Variants in HDHD2 observed in about 807,000 individuals in gnomAD.
The protein encoded by HDHD2 is haloacid dehalogenase like hydrolase domain containing 2, also known as haloacid dehalogenase-like hydrolase domain-containing protein 2.
A neutral mutation model predicts 24.8 loss-of-function variants in HDHD2; 26 were observed. The observed-to-expected ratio is 1.05, with a 90% CI of 0.77 to 1.45. HDHD2 has a LOEUF of 1.45. Ranked by LOEUF, HDHD2 falls within the 40% of genes most tolerant of loss-of-function variation. The probability of loss-of-function intolerance (pLI) is 0.00; values close to 1 mark genes in which losing one functional copy is unlikely to be tolerated. For missense variants in HDHD2, 299 were observed against 313.4 expected (o/e 0.95, Z 0.35); for synonymous variants, 128 against 114.9 (o/e 1.11, Z -0.73).
At chr18:47,119,566 T>G in intron 4 of HDHD2, among the ~76,000 whole-genome samples, 1 of 152,226 alleles carries the variant, frequency 6.6e-6, no homozygotes, top group South Asian at 2.1e-4. Context: ...GTTTTGCTAT[T>G]TCCACCACAT....
chr18:47,139,215 T>C (rs1328848943), intron 1 of HDHD2, among the ~76,000 whole-genome samples: 6 of 151,888 alleles, frequency 4.0e-5, no homozygotes, highest in African/African-American at 1.5e-4. Context: ...TCCCAGCACT[T>C]TGGGAGGCTG....
intron 3 of HDHD2, among the ~76,000 whole-genome samples, chr18:47,133,726 G>A (rs2063736062): frequency 6.6e-6 from 1 of 151,960 alleles, no homozygotes; most frequent in African/African-American, 2.4e-5. Flanking sequence ...TTCTCTGATG[G>A]CCAGTGATGA....
At chr18:47,136,264 A>G (rs1243691756) in intron 2 of HDHD2, 75 bp downstream of exon 2, 1 of 1,581,720 alleles carries the variant, frequency 6.3e-7, no homozygotes, top group East Asian at 2.3e-5. Flanking sequence ...AAGGCCATCC[A>G]TTTAGCTAAT....
intron 4 of HDHD2, among the ~76,000 whole-genome samples, chr18:47,129,130 T>C (rs2063688126): frequency 6.6e-6 from 1 of 152,168 alleles, no homozygotes; most frequent in South Asian, 2.1e-4. Context: ...AGGTAAATTA[T>C]ACTGTTTAAT....
intron 6 of HDHD2, 149 bp downstream of exon 6, chr18:47,112,828 C>G (rs2063526121): frequency 1.5e-6 from 1 of 651,590 alleles, no homozygotes; most frequent in South Asian, 1.9e-5. Flanking sequence ...CAATTGTTTC[C>G]TATAATCCTA....
intron 2 of HDHD2, among the ~76,000 whole-genome samples, chr18:47,135,929 T>C (rs1280200733): frequency 6.6e-6 from 1 of 152,234 alleles, no homozygotes; most frequent in African/African-American, 2.4e-5. Context: ...ATTTGAGCAG[T>C]TGCACAATCG....
intron 1 of HDHD2, among the ~76,000 whole-genome samples, chr18:47,149,597 T>A (rs1032140131): frequency 6.6e-6 from 1 of 152,142 alleles, no homozygotes; most frequent in Non-Finnish European, 1.5e-5. Flanking sequence ...CTCTACACTT[T>A]GCCTCCCTCG....
At chr18:47,141,880 G>A (rs115595934) in intron 1 of HDHD2, among the ~76,000 whole-genome samples, 322 of 152,308 alleles carry the variant, frequency 2.1e-3, no homozygotes, top group African/African-American at 5.7e-3. Context: ...CCCACGTGTC[G>A]TGGGAGGGAC....
In HDHD2 at chr18:47,140,303, T is replaced by C. The variant is rs544675525; in HGVS notation, c.-10-3854A>G. Reference sequence around the variant, plus strand: ...CAGGACAACTAAGATCATTATTATATTGCCATCCTATCCATCAACATACTG... The same window carrying C: ...CAGGACAACTAAGATCATTATTATACTGCCATCCTATCCATCAACATACTG... On this transcript the variant is annotated intron_variant, in intron 1 of 6. Transcript: ENST00000300605. 3.3e-5 allele frequency among the ~76,000 whole-genome samples: 5 copies of C among 152,332 alleles called. No individual in the cohort carries two copies. In the South Asian group the frequency reaches 1.0e-3, roughly 32 times the overall value.
At position 47,117,583 on chromosome 18, in the gene HDHD2, A is replaced by T. The variant is rs113457723; in HGVS notation, c.396-2235T>A. ...TAACTCTGTTCTTTATAAATTACCT[A>T]GTCTCAGGTATTGTTATAGCAGCAC... On this transcript the variant is annotated intron_variant, in intron 4 of 6. Coordinates refer to ENST00000300605, the MANE Select transcript of HDHD2 (RefSeq NM_032124.5). Among the ~76,000 whole-genome samples the T allele has an allele frequency of 3.7e-3, 567 of 152,314 alleles. 6 individuals are homozygous for T. The highest frequency in any genetic ancestry group is 0.013 in the African/African-American group (545 of 41,576).
chr18:47,112,212 C>T (rs952801028), intron 6 of HDHD2, among the ~76,000 whole-genome samples: 2 of 152,182 alleles, frequency 1.3e-5, no homozygotes, highest in Non-Finnish European at 2.9e-5. Context: ...CTCGAAAGGA[C>T]TTTATCAGTC....
At chr18:47,138,056 C>T (rs1391186173) in intron 1 of HDHD2, among the ~76,000 whole-genome samples, 3 of 150,178 alleles carry the variant, frequency 2.0e-5, no homozygotes, top group Non-Finnish European at 2.9e-5. Flanking sequence ...ATCCCAGCTA[C>T]TAGGGAGGCT....
chr18:47,115,090 C>T, intron 5 of HDHD2, 42 bp downstream of exon 5: 1 of 1,476,854 alleles, frequency 6.8e-7, no homozygotes, highest in Non-Finnish European at 9.4e-7. Flanking sequence ...TTTCCCAGCA[C>T]AACAGGTGAG....
At chr18:47,128,591 A>G (rs1235367269) in intron 4 of HDHD2, among the ~76,000 whole-genome samples, 1 of 152,236 alleles carries the variant, frequency 6.6e-6, no homozygotes, top group Non-Finnish European at 1.5e-5. Flanking sequence ...TGACGTTAAC[A>G]GTGGATGTCC....
chr18:47,115,187 A>G lies in HDHD2; in HGVS notation c.557T>C (p.Leu186Ser). ...ACAGCCAGTGCCCCGCAATGCTTCC[A>G]AAAAGAACGTCTTCTCTGGTTTCCC... ...VVGKPEKTFF[L>S]EALRGTGCEP... Residue 186 changes from leucine to serine, a missense_variant, in exon 5 of 7, where the codon TTG (leucine) becomes TCG (serine). By Grantham distance (145) the Leu-to-Ser change is moderately radical. Transcript: ENST00000300605. 6.2e-7 allele frequency: 1 copy of G among 1,613,856 alleles called. No individual in the cohort carries two copies. Among genetic ancestry groups the G allele is most frequent in the South Asian group, 1.1e-5 (1 of 91,060 alleles).
chr18:47,110,190 C>A (rs1230795126), intron 6 of HDHD2: 1 of 985,444 alleles, frequency 1.0e-6, no homozygotes, highest in Middle Eastern at 5.2e-4. Flanking sequence ...AAACACAAAG[C>A]CTGAAAAACC....
intron 5 of HDHD2, among the ~76,000 whole-genome samples, chr18:47,113,333 A>T (rs1011846772): frequency 6.6e-6 from 1 of 152,240 alleles, no homozygotes; most frequent in African/African-American, 2.4e-5. Flanking sequence ...CCACACCTAC[A>T]TCTATTTATC....
chr18:47,125,233 T>C (rs77954147), intron 4 of HDHD2, among the ~76,000 whole-genome samples: 3 of 152,098 alleles, frequency 2.0e-5, no homozygotes, highest in Admixed American at 6.6e-5. Flanking sequence ...CCAAACAGAA[T>C]AGCTACTATT....
At chr18:47,131,716 T>C (rs1291453095) in intron 3 of HDHD2, among the ~76,000 whole-genome samples, 1 of 152,228 alleles carries the variant, frequency 6.6e-6, no homozygotes, top group Non-Finnish European at 1.5e-5. Flanking sequence ...TAATAGTTAC[T>C]ACTTTGCTTT....
Sources: gnomAD v4.1 joint callset for allele counts (sites outside exome capture counted in the v4.1 genomes callset) on GRCh38, gnomAD v4.1.1 for gene constraint, MANE v1.5 for transcripts, NCBI Gene and HGNC (gene_info 2026-07-23, HGNC 2026-07-21) for gene names.